The following TLN2 variants were observed in gnomAD, a reference collection of about 807,000 sequenced individuals.
TLN2 encodes talin 2.
Under a neutral mutation model 294.7 loss-of-function variants are expected in TLN2, and 118 were observed. That is an observed-to-expected ratio of 0.40 (90% CI 0.34 to 0.47). TLN2 has a LOEUF of 0.47. Among genes scored for constraint, TLN2 ranks in the 20% least tolerant of loss-of-function variants. TLN2 has a pLI of 0.84. For missense variants in TLN2, 3,083 were observed against 3,282.2 expected (o/e 0.94, Z 1.48); for synonymous variants, 1,431 against 1,304.5 (o/e 1.10, Z -2.09).
intron 1 of TLN2, among the ~76,000 whole-genome samples, chr15:62,579,713 C>T (rs944589774): frequency 2.0e-5 from 3 of 152,168 alleles, no homozygotes; most frequent in African/African-American, 4.8e-5. Context: ...TTACAGATGA[C>T]AGAGTTTCCA....
chr15:62,724,230 T>C (rs1218299713), intron 26 of TLN2, among the ~76,000 whole-genome samples: 1 of 152,176 alleles, frequency 6.6e-6, no homozygotes, highest in Non-Finnish European at 1.5e-5. Flanking sequence ...TTAGTTAACC[T>C]CTCTGTGCCT....
chr15:62,441,095 G>A (rs925466820), intron 1 of TLN2, among the ~76,000 whole-genome samples: 20 of 152,172 alleles, frequency 1.3e-4, no homozygotes, highest in African/African-American at 4.8e-4. Context: ...AAAATCCATC[G>A]AACTAATGAT....
At chr15:62,710,330 C>A (rs1005050867) in intron 21 of TLN2, among the ~76,000 whole-genome samples, 16 of 152,158 alleles carry the variant, frequency 1.1e-4, no homozygotes, top group African/African-American at 3.9e-4. Flanking sequence ...TGCAACCCAA[C>A]TAGTAATCTG....
At chr15:62,648,248 C>A (rs902463463) in intron 4 of TLN2, among the ~76,000 whole-genome samples, 1 of 151,896 alleles carries the variant, frequency 6.6e-6, no homozygotes, top group Non-Finnish European at 1.5e-5. Context: ...GGTTGAAACC[C>A]TGTCTCTAGT....
intron 1 of TLN2, among the ~76,000 whole-genome samples, chr15:62,448,805 G>C (rs760172494): frequency 6.6e-6 from 1 of 152,186 alleles, no homozygotes; most frequent in Non-Finnish European, 1.5e-5. Flanking sequence ...CAGAACTCAT[G>C]TACTGACCTA....
At chr15:62,688,893 A>AT (rs1205632751) in intron 12 of TLN2, among the ~76,000 whole-genome samples, 1 of 152,034 alleles carries the variant, frequency 6.6e-6, no homozygotes, top group Admixed American at 6.6e-5. Flanking sequence ...ATATACTGTT[A>AT]TATTTGAAAT....
At chr15:62,657,067 G>C (rs1374267733) in intron 8 of TLN2, among the ~76,000 whole-genome samples, 3 of 151,380 alleles carry the variant, frequency 2.0e-5, no homozygotes, top group Non-Finnish European at 4.4e-5. Context: ...AAAGATGCTT[G>C]TTGGCTTAAG....
intron 1 of TLN2, among the ~76,000 whole-genome samples, chr15:62,442,704 C>A (rs2035617696): frequency 6.6e-6 from 1 of 151,856 alleles, no homozygotes; most frequent in Admixed American, 6.6e-5. Context: ...TAATACCCAA[C>A]CTTCAAAATA....
intron 32 of TLN2, among the ~76,000 whole-genome samples, chr15:62,746,986 T>G (rs1595867208): frequency 6.6e-6 from 1 of 152,184 alleles, no homozygotes; most frequent in East Asian, 1.9e-4. Context: ...CGACAAAACA[T>G]TGACCATGTA....
At chr15:62,825,705 T>TATATAA (rs1272223519) in intron 54 of TLN2, among the ~76,000 whole-genome samples, 1 of 126,672 alleles carries the variant, frequency 7.9e-6, no homozygotes, top group Non-Finnish European at 1.5e-5. Flanking sequence ...ATACAATATA[T>TATATAA]ATATAAATAT....
rs760017906 is a variant in TLN2 at position 62,805,688 on chromosome 15, A to C, written c.6566A>C (p.Lys2189Thr). ...MTKGITMATA[K>T]AVAAGNSCRQ... ...AAAGGCATCACCATGGCAACAGCCA[A>C]AGCCGTGGCAGCTGGGAACTCATGT... is the stretch of plus-strand genomic sequence containing the variant. Residue 2189 changes from lysine to threonine, a missense_variant, in exon 51 of 59, where the codon AAA (lysine) becomes ACA (threonine). Transcript: ENST00000636159. The C allele has an allele frequency of 5.6e-6, 9 of 1,614,120 alleles. No individual in the cohort carries two copies. In the East Asian group the frequency reaches 2.0e-4, roughly 36 times the overall value.
intron 1 of TLN2, among the ~76,000 whole-genome samples, chr15:62,457,317 G>A (rs893347270): frequency 6.6e-6 from 1 of 152,138 alleles, no homozygotes; most frequent in African/African-American, 2.4e-5. Context: ...CTCTTAACAG[G>A]GCACTAACCT....
chr15:62,437,853 T>A (rs2035366360), intron 1 of TLN2, among the ~76,000 whole-genome samples: 1 of 152,124 alleles, frequency 6.6e-6, no homozygotes, highest in Non-Finnish European at 1.5e-5. Flanking sequence ...TCAGGGTTAA[T>A]AGCATCTGCA....
chr15:62,650,154 A>G lies in TLN2; in HGVS notation c.207A>G (p.Thr69=), dbSNP rs773034807. 1.9e-6 allele frequency: 3 copies of G among 1,614,170 alleles called. No individual in the cohort carries two copies. Among genetic ancestry groups the G allele is most frequent in the South Asian group, 2.2e-5 (2 of 91,078 alleles). ...RKGIWLEAGR[T]LDYYMLRNGD... ...GGATTTGGCTGGAAGCGGGCAGAAC[A>G]CTGGATTACTACATGTTGCGGAATG... The change falls in exon 5 of 59, where the codon ACA becomes ACG. Residue 69 remains threonine (T), a synonymous_variant. Coordinates refer to ENST00000636159, the MANE Select transcript of TLN2 (RefSeq NM_015059.3).
intron 1 of TLN2, among the ~76,000 whole-genome samples, chr15:62,565,334 T>C (rs1407655319): frequency 3.9e-5 from 6 of 152,190 alleles, no homozygotes; most frequent in Non-Finnish European, 1.5e-5. Flanking sequence ...TTTAAAAACA[T>C]TAAAGTATAT....
At chr15:62,595,549 A>C (rs1376271039) in intron 2 of TLN2, among the ~76,000 whole-genome samples, 1 of 152,220 alleles carries the variant, frequency 6.6e-6, no homozygotes, top group African/African-American at 2.4e-5. Context: ...CTCCTCAAAA[A>C]ATTAAAAATA....
At position 62,797,231 on chromosome 15, in the gene TLN2, C is replaced by T; in HGVS notation, c.6063C>T (p.Leu2021=). ...ETFADHRENI[L]KTAKALVEDT... is the part of the protein sequence containing the mutation. ...CTGGCTCTCTCAGGGAGAACATTCTCAAGACGGCCAAGGCCTTGGTAGAAG... is the reference window on the plus strand; with the variant it reads ...CTGGCTCTCTCAGGGAGAACATTCTTAAGACGGCCAAGGCCTTGGTAGAAG... The change falls in exon 48 of 59, where the codon CTC becomes CTT. Residue 2021 remains leucine (L), a synonymous_variant. Coordinates refer to ENST00000636159, the MANE Select transcript of TLN2 (RefSeq NM_015059.3). 1 of 1,614,120 alleles carries T rather than the reference C, an allele frequency of 6.2e-7. No homozygotes were observed.
At chr15:62,738,366 G>A in intron 30 of TLN2, 33 bp downstream of exon 30, 1 of 1,612,204 alleles carries the variant, frequency 6.2e-7, no homozygotes, top group Non-Finnish European at 8.5e-7. Context: ...AAGGACACTG[G>A]GGGACTAGGC....
intron 52 of TLN2, among the ~76,000 whole-genome samples, chr15:62,815,227 ACACACT>A (rs1347759823): frequency 1.3e-3 from 169 of 126,890 alleles, no homozygotes; most frequent in Middle Eastern, 4.0e-3. Context: ...ACACACACAC[ACACACT>A]CACTCGCTCT....
Sources: gnomAD v4.1 joint callset for allele counts (sites outside exome capture counted in the v4.1 genomes callset) on GRCh38, gnomAD v4.1.1 for gene constraint, MANE v1.5 for transcripts, NCBI Gene and HGNC (gene_info 2026-07-23, HGNC 2026-07-21) for gene names.